Variants in SEMA5B observed in about 807,000 individuals in gnomAD.
The protein encoded by SEMA5B is semaphorin 5B, also known as semaphorin-5B.
Under a neutral mutation model 135.0 loss-of-function variants are expected in SEMA5B, and 66 were observed. That is an observed-to-expected ratio of 0.49 (90% CI 0.40 to 0.60). The LOEUF is 0.60. Ranked by LOEUF, SEMA5B falls within the 20% of genes least tolerant of loss-of-function variation. The pLI is 0.00. For missense variants in SEMA5B, 1,501 were observed against 1,566.3 expected (o/e 0.96, Z 0.70); for synonymous variants, 690 against 639.5 (o/e 1.08, Z -1.19).
chr3:122,912,616 GAA>G (rs150722244), intron 18 of SEMA5B, among the ~76,000 whole-genome samples: 9 of 144,942 alleles, frequency 6.2e-5, no homozygotes, highest in African/African-American at 1.0e-4. Context: ...TAAGAAAGGT[GAA>G]AAAAAAAAAG....
chr3:123,016,710 G>A (rs1478008788), intron 1 of SEMA5B, among the ~76,000 whole-genome samples: 2 of 151,874 alleles, frequency 1.3e-5, no homozygotes, highest in African/African-American at 2.4e-5. Context: ...AAGCAGCCAG[G>A]ACTACAGGTG....
At chr3:122,961,390 G>T in intron 1 of SEMA5B, 89 bp from the exon 2 acceptor site, 1 of 1,189,540 alleles carries the variant, frequency 8.4e-7, no homozygotes, top group Non-Finnish European at 1.2e-6. Flanking sequence ...CTGCCCCAGG[G>T]ACCACATGGT....
At chr3:122,983,479 C>A (rs1941593987) in intron 1 of SEMA5B, among the ~76,000 whole-genome samples, 1 of 151,466 alleles carries the variant, frequency 6.6e-6, no homozygotes, top group South Asian at 2.1e-4. Context: ...GTAAAAAAAA[C>A]CTATAAAGAC....
At chr3:122,915,991 T>A (rs1401298252) in intron 12 of SEMA5B, 101 bp from the exon 13 acceptor site, 2 of 815,112 alleles carry the variant, frequency 2.5e-6, no homozygotes, top group African/African-American at 3.4e-5. Context: ...CCACTTTCCA[T>A]CCATTTGTCC....
intron 1 of SEMA5B, among the ~76,000 whole-genome samples, chr3:122,970,714 C>T (rs368879023): frequency 6.4e-4 from 97 of 152,274 alleles, no homozygotes; most frequent in African/African-American, 2.1e-3. Context: ...TATTATTGCC[C>T]CTACTTTACT....
chr3:122,937,543 G>A (rs938438436), intron 5 of SEMA5B, among the ~76,000 whole-genome samples: 1 of 152,180 alleles, frequency 6.6e-6, no homozygotes, highest in African/African-American at 2.4e-5. Context: ...CCTGAGGTCA[G>A]GCCCCTAAGA....
chr3:122,927,112 A>C (rs932254754), intron 8 of SEMA5B, among the ~76,000 whole-genome samples: 14 of 152,144 alleles, frequency 9.2e-5, no homozygotes, highest in Middle Eastern at 3.2e-3. Context: ...CTTTTGCGCC[A>C]ACCTAATAGT....
At chr3:122,920,102 T>G (rs1357966621) in intron 12 of SEMA5B, among the ~76,000 whole-genome samples, 1 of 152,242 alleles carries the variant, frequency 6.6e-6, no homozygotes, top group Non-Finnish European at 1.5e-5. Context: ...ACTGTCTGAT[T>G]GATCTTTTCA....
chr3:122,912,892 G>T lies in SEMA5B; in HGVS notation c.2676C>A (p.Cys892Ter), dbSNP rs1432734786. ...NPEPRNGGLPCVGDAAEYQDC... is the reference protein window; with the variant it reads ...NPEPRNGGLP ...CCTGGTACTCGGCAGCATCGCCCAC[G>T]CAGGGCAGGCCCCCGTTGCGGGGCT... Residue 892 changes from cysteine to a stop codon, truncating the protein, a stop_gained, in exon 18 of 23, where the codon TGC becomes TGA. Transcript: ENST00000357599. LOFTEE classifies it high-confidence loss of function. 1.2e-6 allele frequency: 2 copies of T among 1,609,242 alleles called. No homozygotes were observed. Among genetic ancestry groups the T allele is most frequent in the Non-Finnish European group, 1.7e-6 (2 of 1,177,820 alleles).
At chr3:122,994,911 C>T (rs1027127287) in intron 1 of SEMA5B, among the ~76,000 whole-genome samples, 4 of 152,176 alleles carry the variant, frequency 2.6e-5, no homozygotes, top group Admixed American at 2.6e-4. Context: ...CTACTGAATC[C>T]TGGGAAACGG....
At chr3:122,994,029 T>C (rs573140740) in intron 1 of SEMA5B, among the ~76,000 whole-genome samples, 2 of 151,934 alleles carry the variant, frequency 1.3e-5, no homozygotes, top group Non-Finnish European at 2.9e-5. Flanking sequence ...CAGAGCCATA[T>C]CCTCTTCACC....
In SEMA5B at chr3:122,910,164, T is replaced by C; in HGVS notation, c.3435A>G (p.Gln1145=). 6.2e-7 allele frequency: 1 copy of C among 1,614,212 alleles called. No homozygotes were observed. Among genetic ancestry groups the C allele is most frequent in the Non-Finnish European group, 8.5e-7 (1 of 1,180,002 alleles). ...GGTATCAGCTGTTGGGGAAGCACCG[T>C]TGTCCAGGTGAGGCCTCGGGCCGGA... ...HSFRPEASPG[Q]RCFPNS The change falls in exon 23 of 23, where the codon CAA becomes CAG. Residue 1145 remains glutamine (Q), a synonymous_variant. Transcript: ENST00000357599.
At chr3:123,001,614 C>T (rs1942176399) in intron 1 of SEMA5B, among the ~76,000 whole-genome samples, 4 of 152,118 alleles carry the variant, frequency 2.6e-5, no homozygotes, top group Admixed American at 2.6e-4. Flanking sequence ...TTATAATGTA[C>T]TGAATGTACA....
intron 1 of SEMA5B, among the ~76,000 whole-genome samples, chr3:122,970,637 C>A (rs1941070535): frequency 6.6e-6 from 1 of 152,202 alleles, no homozygotes; most frequent in African/African-American, 2.4e-5. Flanking sequence ...GGGTGAGACA[C>A]ATCTATTAAA....
At chr3:122,924,162 C>T (rs1938510131) in intron 9 of SEMA5B, among the ~76,000 whole-genome samples, 1 of 152,080 alleles carries the variant, frequency 6.6e-6, no homozygotes, top group Admixed American at 6.5e-5. Flanking sequence ...TATTTTATTC[C>T]ATTCTATTCT....
At chr3:122,918,737 T>C (rs531902482) in intron 12 of SEMA5B, among the ~76,000 whole-genome samples, 6 of 152,282 alleles carry the variant, frequency 3.9e-5, no homozygotes, top group African/African-American at 1.4e-4. Flanking sequence ...AGGGGACCCC[T>C]GAGGCTTCTT....
At chr3:122,997,212 G>A (rs902319341) in intron 1 of SEMA5B, among the ~76,000 whole-genome samples, 3 of 152,154 alleles carry the variant, frequency 2.0e-5, no homozygotes, top group East Asian at 1.9e-4. Context: ...GTGCCTGACC[G>A]GACCCAGGTC....
intron 1 of SEMA5B, among the ~76,000 whole-genome samples, chr3:122,998,964 C>A (rs797021007): frequency 1.3e-5 from 2 of 152,170 alleles, no homozygotes; most frequent in South Asian, 2.1e-4. Flanking sequence ...CCTGTCCAAC[C>A]CTTTCATGTT....
Position 122,923,671 on chromosome 3 carries a change from C to T in SEMA5B, c.1218G>A (p.Gln406=). ...GGAGCCAGGCAGCCCTGGGGTTCTCCTGGTAGCGAAATGGGCCATTGAAAG... is the reference window on the plus strand; with the variant it reads ...GGAGCCAGGCAGCCCTGGGGTTCTCTTGGTAGCGAAATGGGCCATTGAAAG... ...SQAFNGPFRY[Q]ENPRAAWLPI... The change falls in exon 10 of 23, where the codon CAG becomes CAA. Residue 406 remains glutamine, a synonymous_variant. Coordinates refer to ENST00000357599, the MANE Select transcript of SEMA5B (RefSeq NM_001031702.4). 4 of 1,614,092 alleles carry T rather than the reference C, an allele frequency of 2.5e-6. No homozygotes were observed. Among genetic ancestry groups the T allele is most frequent in the Non-Finnish European group, 3.4e-6 (4 of 1,179,990 alleles).
Sources: gnomAD v4.1 joint callset for allele counts (sites outside exome capture counted in the v4.1 genomes callset) on GRCh38, gnomAD v4.1.1 for gene constraint, MANE v1.5 for transcripts, NCBI Gene and HGNC (gene_info 2026-07-23, HGNC 2026-07-21) for gene names.